Variants in CRYBG2 observed in about 807,000 individuals in gnomAD.
CRYBG2 encodes the protein crystallin beta-gamma domain containing 2.
CRYBG2 carries 106 observed loss-of-function variants against 153.4 expected under a neutral mutation model. The observed-to-expected ratio is 0.69, with a 90% CI of 0.59 to 0.81. The LOEUF is 0.81. CRYBG2 is among the 30% of genes least tolerant of loss of function. The probability of loss-of-function intolerance (pLI) is 0.00; values close to 1 mark genes in which losing one functional copy is unlikely to be tolerated. For synonymous variants in CRYBG2, 851 were observed against 877.8 expected (o/e 0.97, Z 0.54); for missense variants, 1,996 against 2,112.0 (o/e 0.95, Z 1.08).
Position 26,345,749 on chromosome 1 carries a change from A to T in CRYBG2, c.909T>A (p.Pro303=). The change falls in exon 2 of 20, where the codon CCT becomes CCA. Residue 303 remains proline (P), a synonymous_variant. Transcript: ENST00000308182. The part of the protein sequence containing the change: ...STGIPASAHL[P]KNQDAPAACP... The stretch of plus-strand genomic sequence containing the variant: ...AGGCTGCAGGGGCATCCTGATTCTT[A>T]GGCAGGTGAGCACTGGCTGGGATGC... 6.3e-7 allele frequency: 1 copy of T among 1,597,360 alleles called. No individual in the cohort carries two copies. Among genetic ancestry groups the T allele is most frequent in the Non-Finnish European group, 8.5e-7 (1 of 1,179,138 alleles).
chr1:26,345,064 C>T lies in CRYBG2; in HGVS notation c.1594G>A (p.Val532Met), dbSNP rs752637613. The change falls in exon 2 of 20, where the codon GTG becomes ATG. Residue 532 changes from valine to methionine, a missense_variant. Coordinates refer to ENST00000308182, the MANE Select transcript of CRYBG2 (RefSeq NM_001039775.4). ...GCATCAGGAGCACCGGGGCCCTTCA[C>T]GACCTCTTTCCAGGTGGGGAACAAG... ...AALFPTWKEV[V>M]KGPGAPDASF... 23 of 290,048 alleles carry T rather than the reference C, an allele frequency of 7.9e-5. 1 individual carries two copies. Among genetic ancestry groups the T allele is most frequent in the South Asian group, 6.2e-4 (20 of 32,168 alleles). The allele number at this position is 290,048 out of a possible 1,614,324, so 18.0% of individuals were successfully genotyped here.
At chr1:26,337,871 G>T in intron 8 of CRYBG2, 141 bp downstream of exon 8, 1 of 1,295,392 alleles carries the variant, frequency 7.7e-7, no homozygotes, top group Non-Finnish European at 1.1e-6. Flanking sequence ...TTCCCAGTGA[G>T]CCCATCAGGT....
At chr1:26,326,125 C>T (rs2073922329) in intron 17 of CRYBG2, among the ~76,000 whole-genome samples, 1 of 152,036 alleles carries the variant, frequency 6.6e-6, no homozygotes, top group Non-Finnish European at 1.5e-5. Flanking sequence ...CTCCTGGGCT[C>T]AAGCAACCCT....
chr1:26,344,057 C>G lies in CRYBG2; in HGVS notation c.2601G>C (p.Gln867His), dbSNP rs913363407. The G allele has an allele frequency of 7.2e-6, 11 of 1,536,156 alleles. No homozygotes were observed. The East Asian group carries it at 2.7e-4, about 38-fold the overall frequency. ...TCATCTCCAGAGGAGAGCAGGAGACCTGGGTGGGTCTGGCAGGGTGGAGGT... is the reference window on the plus strand; with the variant it reads ...TCATCTCCAGAGGAGAGCAGGAGACGTGGGTGGGTCTGGCAGGGTGGAGGT... Reference protein sequence around the residue: ...SRDLHPARPTQVSCSPLEMMK... With the variant: ...SRDLHPARPTHVSCSPLEMMK... The change falls in exon 2 of 20, where the codon CAG becomes CAC. Residue 867 changes from glutamine to histidine, a missense_variant. Gln to His is a conservative substitution (Grantham distance 24). Transcript: ENST00000308182.
chr1:26,344,271 A>G lies in CRYBG2; in HGVS notation c.2387T>C (p.Met796Thr). 3 of 1,530,850 alleles carry G rather than the reference A, an allele frequency of 2.0e-6. No homozygotes were observed. Among genetic ancestry groups the G allele is most frequent in the South Asian group, 1.2e-5 (1 of 83,338 alleles). 94.8% of individuals were successfully genotyped at this position (1,530,850 alleles called of 1,614,324 possible). Residue 796 changes from methionine to threonine, a missense_variant, in exon 2 of 20, where the codon ATG (methionine) becomes ACG (threonine). Physicochemically the swap from Met to Thr is moderately conservative, Grantham distance 81 (BLOSUM62 -1). Transcript: ENST00000308182. The stretch of plus-strand genomic sequence containing the variant: ...CTCAATGGCAGGCAGCGTGGCGTAC[A>G]TGGACAGGTAGGAGGAGCGAGGGGC... Reference protein sequence around the residue: ...PRAPRSSYLSMYATLPAIEED... With the variant: ...PRAPRSSYLSTYATLPAIEED...
At position 26,331,597 on chromosome 1, in the gene CRYBG2, C is replaced by A. The variant is rs756503684; in HGVS notation, c.4206G>T (p.Thr1402=). ...HGGSWILFDE[T]NFEGDQHILS... is the part of the protein sequence containing the mutation. Reference sequence around the variant, plus strand: ...GAATGTGCTGGTCACCCTCGAAGTTCGTCTCATCAAACAGGATCCAGCTAG... The same window carrying A: ...GAATGTGCTGGTCACCCTCGAAGTTAGTCTCATCAAACAGGATCCAGCTAG... Residue 1402 remains threonine (T), a synonymous_variant, in exon 15 of 20, where the codon ACG becomes ACT. Transcript: ENST00000308182. 1 of 1,613,980 alleles carries A rather than the reference C, an allele frequency of 6.2e-7. No individual in the cohort carries two copies. The highest frequency in any genetic ancestry group is 1.7e-5 in the Admixed American group (1 of 60,022).
At position 26,339,446 on chromosome 1, in the gene CRYBG2, A is replaced by G; in HGVS notation, c.3205-17T>C. On this transcript the variant is annotated splice_polypyrimidine_tract_variant and intron_variant, in intron 5 of 19. Transcript: ENST00000308182. Reference sequence around the variant, plus strand: ...GCTGTAGTCCTGTGGAAGGAGGGGGAAAATTAAATATAGATAAACAGCCAG... The same window carrying G: ...GCTGTAGTCCTGTGGAAGGAGGGGGGAAATTAAATATAGATAAACAGCCAG... 8 of 1,613,072 alleles carry G rather than the reference A, an allele frequency of 5.0e-6. No homozygotes were observed. In the South Asian group the frequency reaches 7.7e-5, roughly 16 times the overall value.
rs139459330 is a variant in CRYBG2, at chr1:26,351,024, C to G, written c.-56+3012G>C. 4.7e-3 allele frequency among the ~76,000 whole-genome samples: 713 copies of G among 152,324 alleles called. 1 individual carries two copies. The highest frequency in any genetic ancestry group is 8.0e-3 in the Non-Finnish European group (545 of 68,032). ...TGAAGCCCCGGGAAGCCTGACCTGA[C>G]TCCAGGACTGCTGGTGGCTATGACA... On this transcript the variant is annotated intron_variant, in intron 1 of 19. Transcript: ENST00000308182.
In CRYBG2 at chr1:26,336,616, G is replaced by C. The variant is rs1245530118; in HGVS notation, c.4028C>G (p.Pro1343Arg). 2 of 1,549,960 alleles carry C rather than the reference G, an allele frequency of 1.3e-6. No homozygotes were observed. The highest frequency in any genetic ancestry group is 1.7e-6 in the Non-Finnish European group (2 of 1,146,654). The change falls in exon 12 of 20, where the codon CCG (proline) becomes CGG (arginine). Residue 1343 changes from proline to arginine, a missense_variant. Physicochemically the swap from Pro to Arg is moderately radical, Grantham distance 103. Transcript: ENST00000308182. The surrounding 1 kb of genome is among the most constrained non-coding windows in gnomAD (Gnocchi z 4.9). ...AGNSTLASLQ[P>R]VLQVGEHDLH... ...GCGGCCGGCACGCACCTGTAGGACC[G>C]GCTGCAGCGAGGCGAGGGTGCTGTT... is the stretch of plus-strand genomic sequence containing the variant.
intron 14 of CRYBG2, among the ~76,000 whole-genome samples, chr1:26,335,852 G>A (rs1344446657): frequency 6.6e-6 from 1 of 152,094 alleles, no homozygotes; most frequent in Non-Finnish European, 1.5e-5. Context: ...TTGGGTCAGG[G>A]ATTTAAAATA....
Position 26,337,290 on chromosome 1 carries a change from T to G in CRYBG2, c.3734A>C (p.Tyr1245Ser), listed in dbSNP as rs2074072989. Residue 1245 changes from tyrosine to serine, a missense_variant, in exon 10 of 20, where the codon TAT (tyrosine) becomes TCT (serine). By Grantham distance (144) the Tyr-to-Ser change is moderately radical. Transcript: ENST00000308182. ...EYPDWSHWGG[Y>S]DELLTSLRVI... ...CCGGAGGGAGGTCAGCAACTCGTCA[T>G]AGCCTCCCCAGTGTGACCAGTCTGG... 9 of 1,613,962 alleles carry G rather than the reference T, an allele frequency of 5.6e-6. No homozygotes were observed. The highest frequency in any genetic ancestry group is 6.8e-6 in the Non-Finnish European group (8 of 1,179,984).
chr1:26,347,316 C>T (rs1251817685), intron 1 of CRYBG2, among the ~76,000 whole-genome samples: 1 of 101,170 alleles, frequency 9.9e-6, no homozygotes, highest in Admixed American at 1.4e-4. Context: ...TTTTGTGAGA[C>T]AGAATCTCAC....
rs2073973325 is a variant in CRYBG2 at position 26,329,453 on chromosome 1, G to C, written c.4315-580C>G. ...GGCCTGCCAAAGTGCTGGGATTACA[G>C]GGGTGAGCCACCATGCGCAGCTTAG... On this transcript the variant is annotated intron_variant, in intron 15 of 19. Coordinates refer to ENST00000308182, the MANE Select transcript of CRYBG2 (RefSeq NM_001039775.4). Among the ~76,000 whole-genome samples the C allele has an allele frequency of 2.0e-5, 3 of 151,534 alleles. No homozygotes were observed. The South Asian group carries it at 6.2e-4, about 31-fold the overall frequency.
chr1:26,332,082 C>CAGATCACGAGGTCAGG (rs377477102), intron 14 of CRYBG2, among the ~76,000 whole-genome samples: 1,700 of 152,066 alleles, frequency 0.011, 40 homozygotes, highest in African/African-American at 0.039. Context: ...CTGAGGCGGG[C>CAGATCACGAGGTCAGG]AGATCACGAG....
chr1:26,332,760 C>T (rs1372179025), intron 14 of CRYBG2, among the ~76,000 whole-genome samples: 2 of 152,032 alleles, frequency 1.3e-5, no homozygotes, highest in African/African-American at 4.8e-5. Context: ...CCCACCTCGG[C>T]CTCCCAGAGT....
In CRYBG2 at chr1:26,343,523, C is replaced by T. The variant is rs371655102; in HGVS notation, c.2913+222G>A. ...CTCAGCTCCCAGGATCTTGGAGCCC[C>T]CACACCCTTTGGAATCCACAGTACA... On this transcript the variant is annotated intron_variant, in intron 2 of 19. Coordinates refer to ENST00000308182, the MANE Select transcript of CRYBG2 (RefSeq NM_001039775.4). The surrounding 1 kb of genome is among the most constrained non-coding windows in gnomAD (Gnocchi z 4.1). Among the ~76,000 whole-genome samples, 11 of 152,302 alleles carry T rather than the reference C, an allele frequency of 7.2e-5. No individual in the cohort carries two copies. The East Asian group carries it at 1.5e-3, about 21-fold the overall frequency.
rs746080958 is a variant in CRYBG2, at chr1:26,336,460, G to GCGCCCTCGGCCC, written c.4039-102_4039-91dup. ...TTTCAGTACCGTCCACCCCGCGGCC[G>GCGCCCTCGGCCC]CGCCCTCGGCCCCGCCCCCTTCTAA... On this transcript the variant is annotated intron_variant, in intron 12 of 19. Transcript: ENST00000308182. This position sits in a 1 kb window ranked among gnomAD's most constrained non-coding sequence, Gnocchi z 4.9. 4 of 1,558,724 alleles carry GCGCCCTCGGCCC rather than the reference G, an allele frequency of 2.6e-6. No homozygotes were observed. In the South Asian group the frequency reaches 4.7e-5, roughly 18 times the overall value.
intron 1 of CRYBG2, among the ~76,000 whole-genome samples, chr1:26,350,295 T>C (rs1314585446): frequency 2.0e-5 from 3 of 152,040 alleles, no homozygotes; most frequent in Non-Finnish European, 4.4e-5. Context: ...CAACAGAAAA[T>C]AGACTAAGCT....
At position 26,344,709 on chromosome 1, in the gene CRYBG2, C is replaced by G. The variant is rs367556153; in HGVS notation, c.1949G>C (p.Gly650Ala). The change falls in exon 2 of 20, where the codon GGT becomes GCT. Residue 650 changes from glycine (G) to alanine (A), a missense_variant. By Grantham distance (60) the Gly-to-Ala change is moderately conservative (BLOSUM62 0). Transcript: ENST00000308182. ...GGGCGGGGCAAGGCTGCCTGCAATA[C>G]CCTGGACAGCCTCTTTTTGGATGCT... Reference protein sequence around the residue: ...SSSIQKEAVQGIAGSLAPPLT... With the variant: ...SSSIQKEAVQAIAGSLAPPLT... 2 of 1,534,172 alleles carry G rather than the reference C, an allele frequency of 1.3e-6. No homozygotes were observed. The highest frequency in any genetic ancestry group is 1.7e-4 in the Middle Eastern group (1 of 5,968).
Sources: allele counts gnomAD v4.1 joint callset (sites outside exome capture counted in the v4.1 genomes callset), GRCh38; gene constraint gnomAD v4.1.1; non-coding constraint Gnocchi (gnomAD v3.1); transcripts MANE v1.5; gene names NCBI Gene and HGNC (gene_info 2026-07-23, HGNC 2026-07-21).